RNF25: variants seen among roughly 807,000 people sequenced by gnomAD.
RNF25 encodes ring finger protein 25, also known as E3 ubiquitin-protein ligase RNF25.
A neutral mutation model predicts 65.0 loss-of-function variants in RNF25; 32 were observed. That is an observed-to-expected ratio of 0.49 (90% CI 0.37 to 0.66). The LOEUF is 0.66. Ranked by LOEUF, RNF25 falls within the 30% of genes least tolerant of loss-of-function variation. RNF25 has a pLI of 0.00. For synonymous variants in RNF25, 207 were observed against 221.2 expected, an observed-to-expected ratio of 0.94 and a Z score of 0.57; for missense variants, 493 against 584.8, an observed-to-expected ratio of 0.84 and a Z score of 1.62.
chr2:218,665,343 A>T (rs1301110142), intron 7 of RNF25, 96 bp from the exon 8 acceptor site: 1 of 1,049,678 alleles, frequency 9.5e-7, no homozygotes, highest in East Asian at 2.4e-5. Flanking sequence ...GCTGGGACTA[A>T]AGGGCACAGG....
At chr2:218,671,002 G>A (rs529167882) in intron 1 of RNF25, among the ~76,000 whole-genome samples, 8 of 151,852 alleles carry the variant, frequency 5.3e-5, no homozygotes, top group Non-Finnish European at 7.4e-5. Context: ...GCAAAACTCC[G>A]TCTCTACAAA....
In RNF25 at chr2:218,671,994, A is replaced by C; in HGVS notation, c.-24T>G. The C allele has an allele frequency of 6.2e-7, 1 of 1,614,242 alleles. No individual in the cohort carries two copies. ...ATATCTTCACCGGCCCGCAGCCGGA[A>C]CCGGAAATGCCCTTAGGGAAGTCGG... On this transcript the variant is annotated 5_prime_UTR_variant, in exon 1 of 10. Coordinates refer to ENST00000295704, the MANE Select transcript of RNF25 (RefSeq NM_022453.3).
chr2:218,664,289 G>C lies in RNF25; in HGVS notation c.1048C>G (p.Pro350Ala), dbSNP rs770690910. Residue 350 changes from proline to alanine, a missense_variant, in exon 10 of 10, where the codon CCC becomes GCC. Pro to Ala is a conservative substitution (Grantham distance 27). Around this residue, in one of 3 missense-constraint regions of RNF25, gnomAD observed 351 missense variants for 400.2 expected, o/e 0.88. Coordinates refer to ENST00000295704, the MANE Select transcript of RNF25 (RefSeq NM_022453.3). This position sits in a 1 kb window ranked among gnomAD's most constrained non-coding sequence, Gnocchi z 5.1. ...PKPSRGPWRQ[P>A]ERRHPKGGEC... is the part of the protein sequence containing the mutation. Reference sequence around the variant, plus strand: ...CCTCCCTTTGGGTGCCTCCGTTCGGGCTGTCGCCAGGGACCTCGACTGGGC... The same window carrying C: ...CCTCCCTTTGGGTGCCTCCGTTCGGCCTGTCGCCAGGGACCTCGACTGGGC... 1.4e-5 allele frequency: 22 copies of C among 1,610,300 alleles called. No homozygotes were observed. Among genetic ancestry groups the C allele is most frequent in the Non-Finnish European group, 1.7e-5 (20 of 1,177,172 alleles).
At chr2:218,665,297 T>C in intron 7 of RNF25, 50 bp from the exon 8 acceptor site, 2 of 1,550,840 alleles carry the variant, frequency 1.3e-6, no homozygotes, top group Non-Finnish European at 1.8e-6. Flanking sequence ...GGATGCCCCC[T>C]GGTGCTGACC....
Position 218,666,162 on chromosome 2 carries a change from G to A in RNF25, c.426C>T (p.Phe142=). The A allele has an allele frequency of 6.2e-7, 1 of 1,614,014 alleles. No individual in the cohort carries two copies. Among genetic ancestry groups the A allele is most frequent in the Non-Finnish European group, 8.5e-7 (1 of 1,179,910 alleles). The change falls in exon 6 of 10, where the codon TTC becomes TTT. Residue 142 remains phenylalanine (F), a synonymous_variant. Coordinates refer to ENST00000295704, the MANE Select transcript of RNF25 (RefSeq NM_022453.3). ...AGGTCCCAAGAGAGAAACCCACCTG[G>A]AAACCATAGAGGCAGATGACACACT... ...HGQCVICLYG[F]QEKEAFTKTP... is the part of the protein sequence containing the mutation.
Position 218,668,097 on chromosome 2 carries a change from G to C in RNF25, c.269C>G (p.Ser90Ter), listed in dbSNP as rs1559323073. Residue 90 changes from serine (S) to a stop codon, truncating the protein, a stop_gained, in exon 4 of 10, where the codon TCA becomes TGA. Coordinates refer to ENST00000295704, the MANE Select transcript of RNF25 (RefSeq NM_022453.3). LOFTEE classifies it high-confidence loss of function. ...AACTTACGTGTGGATCTGTTCATCT[G>C]AAAGTCCTCGGGGATTTCGGATAGA... ...QISIRNPRGL[S>*]DEQIHTILQV... 1 of 1,614,144 alleles carries C rather than the reference G, an allele frequency of 6.2e-7. No individual in the cohort carries two copies.
chr2:218,671,984 C>T lies in RNF25; in HGVS notation c.-14G>A, dbSNP rs771569593. ...AGACGCCGCCATATCTTCACCGGCC[C>T]GCAGCCGGAACCGGAAATGCCCTTA... is the stretch of plus-strand genomic sequence containing the variant. On this transcript the variant is annotated 5_prime_UTR_variant, in exon 1 of 10. Coordinates refer to ENST00000295704, the MANE Select transcript of RNF25 (RefSeq NM_022453.3). 6.2e-6 allele frequency: 10 copies of T among 1,614,210 alleles called. No individual in the cohort carries two copies. The Admixed American group carries it at 8.3e-5, about 13-fold the overall frequency.
Position 218,665,254 on chromosome 2 carries a change from AAG to A in RNF25, c.574-9_574-8del, listed in dbSNP as rs780706307. ...ACTGCACACCGACTGCCTTCTAAAA[AAG>A]AGAAAAATCATATGCCTGTGTCACA... On this transcript the variant is annotated splice_region_variant and splice_polypyrimidine_tract_variant and intron_variant, in intron 7 of 9. Transcript: ENST00000295704. The A allele has an allele frequency of 3.7e-5, 59 of 1,612,292 alleles. No individual in the cohort carries two copies. Among genetic ancestry groups the A allele is most frequent in the Non-Finnish European group, 4.7e-5 (56 of 1,179,146 alleles).
chr2:218,664,401 G>A lies in RNF25; in HGVS notation c.936C>T (p.Thr312=). 1 of 1,614,172 alleles carries A rather than the reference G, an allele frequency of 6.2e-7. No individual in the cohort carries two copies. The highest frequency in any genetic ancestry group is 8.5e-7 in the Non-Finnish European group (1 of 1,180,036). ...STLPPPLPVA[T]QHICEKIPGT... ...CTGGAATCTTCTCACATATGTGCTG[G>A]GTCGCCACAGGCAGAGGAGGTGGCA... The change falls in exon 10 of 10, where the codon ACC becomes ACT. Residue 312 remains threonine, a synonymous_variant. Coordinates refer to ENST00000295704, the MANE Select transcript of RNF25 (RefSeq NM_022453.3). This position sits in a 1 kb window ranked among gnomAD's most constrained non-coding sequence, Gnocchi z 5.1.
At position 218,665,981 on chromosome 2, in the gene RNF25, C is replaced by T; in HGVS notation, c.508G>A (p.Glu170Lys). 6.2e-7 allele frequency: 1 copy of T among 1,614,164 alleles called. No homozygotes were observed. Among genetic ancestry groups the T allele is most frequent in the Non-Finnish European group, 8.5e-7 (1 of 1,180,028 alleles). ...TGTCCTTGTGCCTTCAGCTCTTGCT[C>T]CATGTGCTGGATGTACCGAGCAAGG... ...HCLARYIQHM[E>K]QELKAQGQEQ... The change falls in exon 7 of 10, where the codon GAG (glutamate) becomes AAG (lysine). Residue 170 changes from glutamate (E) to lysine (K), a missense_variant. Physicochemically the swap from Glu to Lys is moderately conservative, Grantham distance 56. This residue lies in a region of RNF25 where 351 missense variants were observed against 400.2 expected (regional missense o/e 0.88). Coordinates refer to ENST00000295704, the MANE Select transcript of RNF25 (RefSeq NM_022453.3).
chr2:218,667,785 A>G, intron 5 of RNF25, 127 bp downstream of exon 5: 1 of 805,212 alleles, frequency 1.2e-6, no homozygotes, highest in Middle Eastern at 2.9e-4. Flanking sequence ...ATTTCTCTGG[A>G]TTAATTTAGG....
chr2:218,667,227 T>C (rs555609313), intron 5 of RNF25, among the ~76,000 whole-genome samples: 1 of 151,992 alleles, frequency 6.6e-6, no homozygotes, highest in Non-Finnish European at 1.5e-5. Context: ...AAACTGTACT[T>C]AATTTTATAT....
At position 218,667,924 on chromosome 2, in the gene RNF25, A is replaced by G. The variant is rs1939869591; in HGVS notation, c.345T>C (p.Tyr115=). ...GCGCACCTCTTACCTCAATGAGTTC[A>G]TACAGCATGGCAGTGCCCAGCCCAG... ...AKAGLGTAML[Y]ELIEKGKEIL... Residue 115 remains tyrosine, a synonymous_variant, in exon 5 of 10, where the codon TAT becomes TAC. Coordinates refer to ENST00000295704, the MANE Select transcript of RNF25 (RefSeq NM_022453.3). 1 of 1,614,180 alleles carries G rather than the reference A, an allele frequency of 6.2e-7. No homozygotes were observed. The highest frequency in any genetic ancestry group is 1.1e-5 in the South Asian group (1 of 91,086).
rs888115716 is a variant in RNF25 at position 218,664,544 on chromosome 2, A to G, written c.802-9T>C. 1 of 1,609,352 alleles carries G rather than the reference A, an allele frequency of 6.2e-7. No homozygotes were observed. The highest frequency in any genetic ancestry group is 1.3e-5 in the African/African-American group (1 of 74,828). On this transcript the variant is annotated splice_polypyrimidine_tract_variant and intron_variant, in intron 9 of 9. Transcript: ENST00000295704. The surrounding 1 kb of genome is among the most constrained non-coding windows in gnomAD (Gnocchi z 5.1). ...TCCGCAGGGGCAGGAGGCTAGAAAT[A>G]AGTGACAAGATGCAGTGAGGGAGAT...
At chr2:218,667,581 A>G (rs1451471966) in intron 5 of RNF25, among the ~76,000 whole-genome samples, 2 of 152,120 alleles carry the variant, frequency 1.3e-5, no homozygotes, top group Non-Finnish European at 2.9e-5. Flanking sequence ...TATGGCTAAG[A>G]CGCCCCCAAG....
At chr2:218,665,805 G>A in intron 7 of RNF25, 111 bp downstream of exon 7, 1 of 1,366,272 alleles carries the variant, frequency 7.3e-7, no homozygotes, top group Non-Finnish European at 1.0e-6. Context: ...AATCTCAAGG[G>A]TATCTATGAC....
chr2:218,666,156 C>G lies in RNF25; in HGVS notation c.429+3G>C, dbSNP rs1939822454. ...AATGCCAGGTCCCAAGAGAGAAACC[C>G]ACCTGGAAACCATAGAGGCAGATGA... On this transcript the variant is annotated splice_donor_region_variant and intron_variant, in intron 6 of 9. Transcript: ENST00000295704. 3 of 1,613,742 alleles carry G rather than the reference C, an allele frequency of 1.9e-6. No individual in the cohort carries two copies. Among genetic ancestry groups the G allele is most frequent in the African/African-American group, 2.7e-5 (2 of 74,874 alleles).
Position 218,668,699 on chromosome 2 carries a change from C to T in RNF25, c.42-20G>A. 2 of 1,544,724 alleles carry T rather than the reference C, an allele frequency of 1.3e-6. No homozygotes were observed. The highest frequency in any genetic ancestry group is 1.8e-6 in the Non-Finnish European group (2 of 1,118,096). On this transcript the variant is annotated intron_variant, in intron 1 of 9. Coordinates refer to ENST00000295704, the MANE Select transcript of RNF25 (RefSeq NM_022453.3). ...AGGACCCTAGAGAGACAGGAGTAGA[C>T]TAACTTACCATTACAGCTCTCCCTG...
rs762671542 is a variant in RNF25, at chr2:218,664,859, G to A, written c.681C>T (p.Pro227=). The A allele has an allele frequency of 2.5e-6, 4 of 1,614,208 alleles. No individual in the cohort carries two copies. The highest frequency in any genetic ancestry group is 3.4e-6 in the Non-Finnish European group (4 of 1,180,042). Residue 227 remains proline, a synonymous_variant, in exon 9 of 10, where the codon CCC becomes CCT. Coordinates refer to ENST00000295704, the MANE Select transcript of RNF25 (RefSeq NM_022453.3). This position sits in a 1 kb window ranked among gnomAD's most constrained non-coding sequence, Gnocchi z 5.1. ...CTTGCTGGCGCAAGCTCTCTGCACT[G>A]GGCTGGTACAGCTCCTGGAAGGAAG... ...EPQQPMELYQ[P]SAESLRQQEE... is the part of the protein sequence containing the mutation.
Sources: gnomAD v4.1 joint callset for allele counts (sites outside exome capture counted in the v4.1 genomes callset) on GRCh38, gnomAD v4.1.1 for gene constraint, gnomAD v4.1.1 regional missense constraint, Gnocchi (gnomAD v3.1) non-coding constraint, MANE v1.5 for transcripts, NCBI Gene and HGNC (gene_info 2026-07-23, HGNC 2026-07-21) for gene names.